The following SERPINI2 variants were observed in gnomAD, a reference collection of about 807,000 sequenced individuals.
SERPINI2 encodes serpin family I member 2.
In SERPINI2, 48 loss-of-function variants were observed where a neutral mutation model predicts 47.3. The observed-to-expected ratio is 1.02, with a 90% CI of 0.81 to 1.29. The LOEUF (loss-of-function observed/expected upper bound fraction) is 1.29. Among genes scored for constraint, SERPINI2 ranks in the 50% most tolerant of loss-of-function variants. The pLI, the probability that SERPINI2 is intolerant of heterozygous loss-of-function variation, is 0.00. For synonymous variants in SERPINI2, 135 were observed against 149.3 expected (o/e 0.90, Z 0.70); for missense variants, 448 against 456.9 (o/e 0.98, Z 0.18).
rs769355714 is a variant in SERPINI2, at chr3:167,471,882, TAG to T, written c.-10-40_-10-39del. On this transcript the variant is annotated intron_variant, in intron 1 of 8. Transcript: ENST00000264677. The stretch of plus-strand genomic sequence containing the variant: ...AATCAAAATATATTCATTTTCAAAA[TAG>T]AGTTTTCCACAGAGAGCTCAACAGA... 11 of 1,524,524 alleles carry T rather than the reference TAG, an allele frequency of 7.2e-6. 1 individual carries two copies. The South Asian group carries it at 8.1e-5, about 11-fold the overall frequency. 94.4% of individuals were successfully genotyped at this position (1,524,524 alleles called of 1,614,324 possible).
intron 7 of SERPINI2, among the ~76,000 whole-genome samples, chr3:167,448,861 T>C (rs900471010): frequency 6.6e-6 from 1 of 152,206 alleles, no homozygotes; most frequent in Non-Finnish European, 1.5e-5. Flanking sequence ...CAGGTGATTT[T>C]TATGTGCAGG....
rs376264822 is a variant in SERPINI2, at chr3:167,467,094, C to A, written c.439G>T (p.Ala147Ser). 1 of 1,613,380 alleles carries A rather than the reference C, an allele frequency of 6.2e-7. No individual in the cohort carries two copies. ...TCTACCCAGGTACTTATCATCTCTG[C>A]ACAAGCCTTTGCATCTTGAAAATCC... The change falls in exon 3 of 9, where the codon GCA becomes TCA. Residue 147 changes from alanine to serine, a missense_variant. Physicochemically the swap from Ala to Ser is moderately conservative, Grantham distance 99. Coordinates refer to ENST00000264677, the Ensembl canonical transcript of SERPINI2.
At chr3:167,442,436 T>C (rs1749353657) in intron 8 of SERPINI2, among the ~76,000 whole-genome samples, 1 of 152,126 alleles carries the variant, frequency 6.6e-6, no homozygotes, top group African/African-American at 2.4e-5. Context: ...ATTAATCCTG[T>C]TTTTCATAGA....
intron 6 of SERPINI2, among the ~76,000 whole-genome samples, chr3:167,450,388 G>A (rs974409698): frequency 1.3e-5 from 2 of 152,134 alleles, no homozygotes; most frequent in African/African-American, 4.8e-5. Flanking sequence ...TGCAAGTATA[G>A]TCTCCTCAAG....
At chr3:167,449,776 A>G (rs57759467) in intron 6 of SERPINI2, among the ~76,000 whole-genome samples, 7,409 of 152,284 alleles carry the variant, frequency 0.049, 576 homozygotes, top group African/African-American at 0.17. Flanking sequence ...TACAGGTGTG[A>G]GCCACCACGC....
chr3:167,442,467 C>T (rs182917805), intron 8 of SERPINI2, among the ~76,000 whole-genome samples: 4 of 152,240 alleles, frequency 2.6e-5, no homozygotes, highest in African/African-American at 9.6e-5. Context: ...AATAAAGTGA[C>T]AGAGAGGTGT....
In SERPINI2 at chr3:167,471,757, A is replaced by AT; in HGVS notation, c.77dup (p.Asn26LysfsTer17). ...GATAAAGATCCACTGCAAATTCGGT[A>AT]TTTTTTTGAGCTGAGCATCTTGAGG... On this transcript the variant is annotated frameshift_variant, in exon 2 of 9. Coordinates refer to ENST00000264677, the Ensembl canonical transcript of SERPINI2. LOFTEE classifies it high-confidence loss of function. 1.2e-6 allele frequency: 2 copies of AT among 1,613,644 alleles called. No individual in the cohort carries two copies. The highest frequency in any genetic ancestry group is 1.7e-6 in the Non-Finnish European group (2 of 1,179,744).
rs998466532 is a variant in SERPINI2, at chr3:167,454,048, A to G, written c.867-1015T>C. On this transcript the variant is annotated intron_variant, in intron 5 of 8. Transcript: ENST00000264677. The stretch of plus-strand genomic sequence containing the variant: ...TCAGCAAAATTCCAGGCAATTCCCA[A>G]TGAGGGGCTTTGTCTATGCCCTCTG... 1.1e-4 allele frequency among the ~76,000 whole-genome samples: 17 copies of G among 152,224 alleles called. 1 individual carries two copies. The highest frequency in any genetic ancestry group is 4.1e-4 in the African/African-American group (17 of 41,468).
At chr3:167,474,042 T>A in exon 1 of SERPINI2, 1 of 1,068,256 alleles carries the variant, frequency 9.4e-7, no homozygotes, top group Non-Finnish European at 1.1e-6. Flanking sequence ...ATGTTACAAC[T>A]AAAATACGCT....
chr3:167,445,549 A>C (rs2108149657), intron 8 of SERPINI2, among the ~76,000 whole-genome samples: 2 of 152,250 alleles, frequency 1.3e-5, no homozygotes, highest in Middle Eastern at 6.8e-3. Flanking sequence ...GCCCAACCCA[A>C]TTTCACACCC....
At position 167,447,613 on chromosome 3, in the gene SERPINI2, C is replaced by T. The variant is rs181310444; in HGVS notation, c.1052-1132G>A. 5.3e-3 allele frequency among the ~76,000 whole-genome samples: 812 copies of T among 152,220 alleles called. 5 individuals are homozygous for T. The highest frequency in any genetic ancestry group is 8.3e-3 in the Non-Finnish European group (562 of 68,002). ...ACTTAAAGTCAGGGAACATGAGTTGCGTTCAAATTCTGCTGTCAATCAATA... is the reference window on the plus strand; with the variant it reads ...ACTTAAAGTCAGGGAACATGAGTTGTGTTCAAATTCTGCTGTCAATCAATA... On this transcript the variant is annotated intron_variant, in intron 7 of 8. Transcript: ENST00000264677.
intron 8 of SERPINI2, 87 bp from the exon 9 acceptor site, chr3:167,442,272 G>T: frequency 1.1e-6 from 1 of 923,392 alleles, no homozygotes; most frequent in Non-Finnish European, 1.6e-6. Context: ...TATTTAACAT[G>T]TCATTTGGTC....
chr3:167,470,805 G>A (rs945762936), intron 2 of SERPINI2, among the ~76,000 whole-genome samples: 16 of 151,888 alleles, frequency 1.1e-4, no homozygotes, highest in African/African-American at 3.6e-4. Context: ...AAAGTGCTGA[G>A]ATTACATGTG....
intron 2 of SERPINI2, 107 bp downstream of exon 2, chr3:167,471,480 TC>T (rs1750318163): frequency 9.0e-7 from 1 of 1,108,390 alleles, no homozygotes; most frequent in African/African-American, 1.6e-5. Flanking sequence ...TTTGTACTTT[TC>T]ATTACATTTT....
At chr3:167,460,045 A>G (rs571920953) in intron 5 of SERPINI2, among the ~76,000 whole-genome samples, 1 of 152,238 alleles carries the variant, frequency 6.6e-6, no homozygotes, top group Non-Finnish European at 1.5e-5. Context: ...GGTCTCAGTG[A>G]GAGCATGTTG....
intron 5 of SERPINI2, among the ~76,000 whole-genome samples, chr3:167,457,386 T>C (rs1749824266): frequency 6.6e-6 from 1 of 152,228 alleles, no homozygotes; most frequent in South Asian, 2.1e-4. Flanking sequence ...CACAGCCCTC[T>C]TGTTTTCTAG....
chr3:167,467,181 T>G (rs1344546043), exon 3 of SERPINI2: 1 of 1,613,398 alleles, frequency 6.2e-7, no homozygotes, highest in Non-Finnish European at 8.5e-7. Flanking sequence ...TCTTTCACAG[T>G]GAATCCTTCT....
chr3:167,472,053 T>G (rs1750342803), intron 1 of SERPINI2: 3 of 485,474 alleles, frequency 6.2e-6, no homozygotes, highest in Non-Finnish European at 1.1e-5. Flanking sequence ...CAAGAACCAG[T>G]AGAAAATATA....
In SERPINI2 at chr3:167,460,905, A is replaced by C. The variant is rs961069; in HGVS notation, c.866+4301T>G. ...TACCATGAAGCATGCTAGGAACAAC[A>C]GAAACTAAAATGAGCAAGACCTAAC... On this transcript the variant is annotated intron_variant, in intron 5 of 8. Coordinates refer to ENST00000264677, the Ensembl canonical transcript of SERPINI2. 1.1e-3 allele frequency among the ~76,000 whole-genome samples: 161 copies of C among 152,368 alleles called. No homozygotes were observed. The East Asian group carries it at 0.028, about 26-fold the overall frequency.
Sources: gnomAD v4.1 joint callset for allele counts (sites outside exome capture counted in the v4.1 genomes callset) on GRCh38, gnomAD v4.1.1 for gene constraint, MANE v1.5 for transcripts, NCBI Gene and HGNC (gene_info 2026-07-23, HGNC 2026-07-21) for gene names.